Variants in DIPK1C observed in about 807,000 individuals in gnomAD.
DIPK1C encodes the protein familial non-conventional Alzheimer's dementia.
DIPK1C carries 33 observed loss-of-function variants against 28.0 expected under a neutral mutation model. That is an observed-to-expected ratio of 1.18 (90% CI 0.89 to 1.58). The LOEUF is 1.58. DIPK1C is among the 40% of genes most tolerant of loss of function. DIPK1C has a pLI of 0.00. For missense variants in DIPK1C, 569 were observed against 568.5 expected (o/e 1.00, Z -0.01); for synonymous variants, 255 against 248.8 (o/e 1.02, Z -0.23).
rs1282840206 is a variant in DIPK1C at position 74,455,210 on chromosome 18, A to G, written c.198+1852T>C. ...GAATGCTGGGAAAGTCATGATTAGCAATTACTTAAATTATACTAGACGATT... is the reference window on the plus strand; with the variant it reads ...GAATGCTGGGAAAGTCATGATTAGCGATTACTTAAATTATACTAGACGATT... On this transcript the variant is annotated intron_variant, in intron 1 of 3. Coordinates refer to ENST00000343998, the MANE Select transcript of DIPK1C (RefSeq NM_001044369.3). Among the ~76,000 whole-genome samples, 4 of 152,310 alleles carry G rather than the reference A, an allele frequency of 2.6e-5. No individual in the cohort carries two copies. In the East Asian group the frequency reaches 7.7e-4, roughly 29 times the overall value.
At chr18:74,444,661 T>G (rs554740330) in intron 2 of DIPK1C, among the ~76,000 whole-genome samples, 1 of 152,288 alleles carries the variant, frequency 6.6e-6, no homozygotes, top group East Asian at 1.9e-4. Flanking sequence ...TTGTACAGTC[T>G]TGGGTAAAAT....
chr18:74,455,383 T>C (rs1986483946), intron 1 of DIPK1C, among the ~76,000 whole-genome samples: 1 of 152,216 alleles, frequency 6.6e-6, no homozygotes, highest in Non-Finnish European at 1.5e-5. Flanking sequence ...TTTACTATAA[T>C]TAGTCTATCA....
At chr18:74,454,419 A>C (rs1986461460) in intron 1 of DIPK1C, among the ~76,000 whole-genome samples, 1 of 152,182 alleles carries the variant, frequency 6.6e-6, no homozygotes, top group African/African-American at 2.4e-5. Context: ...CTGCCAGGCC[A>C]GCAACGCCCC....
rs995122202 is a variant in DIPK1C at position 74,436,866 on chromosome 18, A to T, written c.1042-147T>A. The T allele has an allele frequency of 1.4e-5, 10 of 697,330 alleles. No individual in the cohort carries two copies. In the African/African-American group the frequency reaches 1.9e-4, roughly 13 times the overall value. 43.2% of individuals were successfully genotyped at this position (697,330 alleles called of 1,614,324 possible). A position where few individuals can be genotyped will look rare whatever the true frequency, so the allele number is the denominator to read the frequency against. ...GGGAGCACACTCCAGAGACCATCCG[A>T]TTTGGAAACATGCCTTCACTTCTGC... On this transcript the variant is annotated intron_variant, in intron 3 of 3. Coordinates refer to ENST00000343998, the MANE Select transcript of DIPK1C (RefSeq NM_001044369.3).
At chr18:74,451,140 AC>A (rs1214422499) in intron 1 of DIPK1C, among the ~76,000 whole-genome samples, 1 of 152,190 alleles carries the variant, frequency 6.6e-6, no homozygotes, top group East Asian at 1.9e-4. Flanking sequence ...GCCTTAGCAG[AC>A]AAGGGAGAGG....
intron 1 of DIPK1C, among the ~76,000 whole-genome samples, chr18:74,453,741 G>A (rs144438247): frequency 4.6e-5 from 7 of 152,228 alleles, no homozygotes; most frequent in African/African-American, 1.2e-4. Context: ...TTACTGTCAC[G>A]TCATTGCTAC....
chr18:74,435,838 C>T lies in DIPK1C; in HGVS notation c.*663G>A, dbSNP rs990329975. Reference sequence around the variant, plus strand: ...CACTAGAGAAAGCACCACTCCCCACCCTAACCCACATCCCCAACACACTCA... The same window carrying T: ...CACTAGAGAAAGCACCACTCCCCACTCTAACCCACATCCCCAACACACTCA... On this transcript the variant is annotated 3_prime_UTR_variant, in exon 4 of 4. Coordinates refer to ENST00000343998, the MANE Select transcript of DIPK1C (RefSeq NM_001044369.3). 6.6e-6 allele frequency: 1 copy of T among 152,460 alleles called. No individual in the cohort carries two copies. Among genetic ancestry groups the T allele is most frequent in the Non-Finnish European group, 1.5e-5 (1 of 68,072 alleles). 9.4% of individuals were successfully genotyped at this position (152,460 alleles called of 1,614,324 possible). A position where few individuals can be genotyped will look rare whatever the true frequency, so the allele number is the denominator to read the frequency against.
In DIPK1C at chr18:74,447,226, C is replaced by A; in HGVS notation, c.256G>T (p.Ala86Ser). 9 of 1,549,802 alleles carry A rather than the reference C, an allele frequency of 5.8e-6. No homozygotes were observed. The highest frequency in any genetic ancestry group is 7.8e-6 in the Non-Finnish European group (9 of 1,146,682). ...AGDLCEDLCV[A>S]GELLFQRCLH... ...CAGCGTTGGAACAGCAGCTCTCCCGCCACACACAGGTCCTCGCAGAGGTCC... is the reference window on the plus strand; with the variant it reads ...CAGCGTTGGAACAGCAGCTCTCCCGACACACACAGGTCCTCGCAGAGGTCC... Residue 86 changes from alanine (A) to serine (S), a missense_variant, in exon 2 of 4, where the codon GCG becomes TCG. Transcript: ENST00000343998. This position sits in a 1 kb window ranked among gnomAD's most constrained non-coding sequence, Gnocchi z 4.1.
In DIPK1C at chr18:74,442,667, G is replaced by A. The variant is rs1039617428; in HGVS notation, c.877-551C>T. 4.6e-5 allele frequency among the ~76,000 whole-genome samples: 7 copies of A among 152,218 alleles called. No individual in the cohort carries two copies. In the South Asian group the frequency reaches 1.0e-3, roughly 23 times the overall value. The stretch of plus-strand genomic sequence containing the variant: ...CACAGGCAACTGTCATAGCTACAGC[G>A]GAAGGCTTTAACTGCAAAAAGGACC... On this transcript the variant is annotated intron_variant, in intron 2 of 3. Transcript: ENST00000343998.
chr18:74,452,856 T>C (rs755774272), intron 1 of DIPK1C, among the ~76,000 whole-genome samples: 1 of 152,194 alleles, frequency 6.6e-6, no homozygotes, highest in African/African-American at 2.4e-5. Context: ...AATCAGTCTT[T>C]CTCAGACTCC....
At chr18:74,454,691 A>G (rs1007873924) in intron 1 of DIPK1C, among the ~76,000 whole-genome samples, 2 of 152,200 alleles carry the variant, frequency 1.3e-5, no homozygotes, top group Non-Finnish European at 2.9e-5. Context: ...GGCTCAATTC[A>G]GTTCAAGTCC....
At chr18:74,461,390 T>C (rs1470235605), upstream of DIPK1C, among the ~76,000 whole-genome samples, 5 of 145,484 alleles carry the variant, frequency 3.4e-5, no homozygotes, top group Admixed American at 3.5e-4. Context: ...CTTCCTTCCT[T>C]TCTTTCTTTC....
chr18:74,442,265 C>G, intron 2 of DIPK1C, 149 bp from the exon 3 acceptor site: 2 of 805,278 alleles, frequency 2.5e-6, no homozygotes, highest in Non-Finnish European at 3.9e-6. Flanking sequence ...GAGGAAAGCC[C>G]CAGCCATGCC....
At chr18:74,461,568 TGCGTTGTCCAG>T (rs1986619080), upstream of DIPK1C, among the ~76,000 whole-genome samples, 1 of 151,796 alleles carries the variant, frequency 6.6e-6, no homozygotes, top group African/African-American at 2.4e-5. Context: ...TAGGGCTCAA[TGCGTTGTCCAG>T]GCTGGTCTCA....
chr18:74,442,625 G>A (rs565585931), intron 2 of DIPK1C, among the ~76,000 whole-genome samples: 15 of 152,164 alleles, frequency 9.9e-5, no homozygotes, highest in South Asian at 2.1e-4. Flanking sequence ...CACCGTGCCC[G>A]GCCGCATTTT....
At chr18:74,455,920 T>A (rs934781797) in intron 1 of DIPK1C, among the ~76,000 whole-genome samples, 1 of 152,104 alleles carries the variant, frequency 6.6e-6, no homozygotes, top group Non-Finnish European at 1.5e-5. Context: ...ACCTGGCTCA[T>A]TTTTTTAAAA....
In DIPK1C at chr18:74,440,116, T is replaced by A. The variant is rs1202897551; in HGVS notation, c.1041+1836A>T. The stretch of plus-strand genomic sequence containing the variant: ...CCCGCCACCTCGCCCGGCTAATTTT[T>A]TGTATATTTAACAGAGACGGGGTTT... On this transcript the variant is annotated intron_variant, in intron 3 of 3. Transcript: ENST00000343998. 2.0e-5 allele frequency among the ~76,000 whole-genome samples: 3 copies of A among 152,124 alleles called. No individual in the cohort carries two copies. In the South Asian group the frequency reaches 6.2e-4, roughly 32 times the overall value.
In DIPK1C at chr18:74,435,650, T is replaced by C. The variant is rs897651247; in HGVS notation, c.*851A>G. 6.6e-6 allele frequency: 1 copy of C among 152,210 alleles called. No individual in the cohort carries two copies. Among genetic ancestry groups the C allele is most frequent in the Non-Finnish European group, 1.5e-5 (1 of 68,038 alleles). The allele number at this position is 152,210 out of a possible 1,614,324, so 9.4% of individuals were successfully genotyped here. ...GCGCCCTAAAACCCATCCATAACCT[T>C]GGTGGATTCCACAAAATGAAAAATA... is the stretch of plus-strand genomic sequence containing the variant. On this transcript the variant is annotated 3_prime_UTR_variant, in exon 4 of 4. Transcript: ENST00000343998.
upstream of DIPK1C, among the ~76,000 whole-genome samples, chr18:74,460,988 T>C (rs1441612184): frequency 1.3e-5 from 2 of 152,216 alleles, no homozygotes; most frequent in African/African-American, 4.8e-5. Context: ...CCATGGGGCT[T>C]TGCCAGAGCC....
Sources: allele counts gnomAD v4.1 joint callset (sites outside exome capture counted in the v4.1 genomes callset), GRCh38; gene constraint gnomAD v4.1.1; non-coding constraint Gnocchi (gnomAD v3.1); transcripts MANE v1.5; gene names NCBI Gene and HGNC (gene_info 2026-07-23, HGNC 2026-07-21).